The following DNAJB6 variants were observed in gnomAD, a reference collection of about 807,000 sequenced individuals.
DNAJB6 encodes DnaJ heat shock protein family (Hsp40) member B6, also known as dnaJ homolog subfamily B member 6.
A neutral mutation model predicts 42.7 loss-of-function variants in DNAJB6; 16 were observed. The ratio of observed to expected loss-of-function variants is 0.37; its 90% CI spans 0.25 to 0.57. DNAJB6 has a LOEUF of 0.57. Among genes scored for constraint, DNAJB6 ranks in the 20% least tolerant of loss-of-function variants. The pLI is 0.74. For missense variants in DNAJB6, 347 were observed against 416.8 expected (o/e 0.83, Z 1.46); for synonymous variants, 170 against 163.5 (o/e 1.04, Z -0.30).
rs886044456 is a variant in DNAJB6 at position 157,409,971 on chromosome 7, G to C, written c.868G>C (p.Gly290Arg). 2.6e-6 allele frequency: 4 copies of C among 1,534,974 alleles called. No individual in the cohort carries two copies. The highest frequency in any genetic ancestry group is 3.5e-6 in the Non-Finnish European group (4 of 1,144,050). Residue 290 changes from glycine to arginine, a missense_variant, in exon 9 of 10, where the codon GGG (glycine) becomes CGG (arginine). Transcript: ENST00000262177. ...EGEQDRPRAP[G>R]PWDPLASAAG... is the part of the protein sequence containing the mutation. Reference sequence around the variant, plus strand: ...CGAGCAGGACCGACCTCGGGCACCCGGGCCCTGGGACCCCCTCGCGTCCGC... The same window carrying C: ...CGAGCAGGACCGACCTCGGGCACCCCGGCCCTGGGACCCCCTCGCGTCCGC...
At chr7:157,345,653 G>C (rs1798646572) in intron 1 of DNAJB6, among the ~76,000 whole-genome samples, 1 of 152,072 alleles carries the variant, frequency 6.6e-6, no homozygotes, top group African/African-American at 2.4e-5. Context: ...TTCGGCTTTT[G>C]TTCCTTGTGC....
intron 2 of DNAJB6, among the ~76,000 whole-genome samples, chr7:157,362,659 C>T (rs886610749): frequency 6.6e-6 from 1 of 152,186 alleles, no homozygotes; most frequent in East Asian, 1.9e-4. Context: ...TGAGCCACCA[C>T]GCCTGGCCTT....
At chr7:157,379,562 C>G (rs1800646331) in intron 5 of DNAJB6, 1 of 152,178 alleles carries the variant, frequency 6.6e-6, no homozygotes, top group Non-Finnish European at 1.5e-5. Context: ...TCATAGCTCC[C>G]TGCAGCCTTG....
intron 1 of DNAJB6, among the ~76,000 whole-genome samples, chr7:157,340,998 G>GCGCGCGCGCACT (rs1554450095): frequency 2.2e-5 from 3 of 134,960 alleles, no homozygotes; most frequent in Non-Finnish European, 4.6e-5. Flanking sequence ...GTGTGTGTGT[G>GCGCGCGCGCACT]CGCGCGCGCA....
intron 1 of DNAJB6, among the ~76,000 whole-genome samples, chr7:157,355,808 T>C (rs1799243645): frequency 6.6e-6 from 1 of 152,184 alleles, no homozygotes; most frequent in Admixed American, 6.5e-5. Context: ...GAGTGCTGCA[T>C]GAATACCGAG....
At chr7:157,369,462 C>T in intron 5 of DNAJB6, 1 of 456,128 alleles carries the variant, frequency 2.2e-6, no homozygotes. Context: ...GGCTTCTCTT[C>T]TGGGGCACAC....
rs1005337418 is a variant in DNAJB6, at chr7:157,369,163, G to A, written c.346+1680G>A. The A allele has an allele frequency of 1.4e-4, 57 of 407,154 alleles. 1 individual carries two copies. Among genetic ancestry groups the A allele is most frequent in the African/African-American group, 1.2e-3 (57 of 48,548 alleles). 25.2% of individuals were successfully genotyped at this position (407,154 alleles called of 1,614,324 possible). On this transcript the variant is annotated intron_variant, in intron 5 of 9. Coordinates refer to ENST00000262177, the MANE Select transcript of DNAJB6 (RefSeq NM_058246.4). ...GGAGACTGGCGTGCTCATCGTTTAA[G>A]TGCATTTGCTGTAATCACTGCTGCC...
chr7:157,385,539 A>G lies in DNAJB6; in HGVS notation c.621-2A>G. ...GTTTTTAAATGAATTTTTTTCCTAC[A>G]GAATTGTCGAGAACGGTCAAGAAAG... is the stretch of plus-strand genomic sequence containing the variant. On this transcript the variant is annotated splice_acceptor_variant, in intron 7 of 9. Coordinates refer to ENST00000262177, the MANE Select transcript of DNAJB6 (RefSeq NM_058246.4). LOFTEE classifies it high-confidence loss of function. 1 of 1,610,660 alleles carries G rather than the reference A, an allele frequency of 6.2e-7. No individual in the cohort carries two copies. The highest frequency in any genetic ancestry group is 8.5e-7 in the Non-Finnish European group (1 of 1,179,062).
chr7:157,368,085 G>C (rs757469827), intron 5 of DNAJB6, among the ~76,000 whole-genome samples: 22 of 152,174 alleles, frequency 1.4e-4, no homozygotes, highest in Non-Finnish European at 2.9e-4. Context: ...CTGCACTCCA[G>C]CTTGGGTGAC....
chr7:157,383,611 T>TTGTGTGTGTGTGTGTG (rs57002445), intron 6 of DNAJB6, among the ~76,000 whole-genome samples: 4 of 149,570 alleles, frequency 2.7e-5, no homozygotes, highest in African/African-American at 7.4e-5. Context: ...GTATGTGTGT[T>TTGTGTGTGTGTGTGTG]TGTGTGTGTG....
intron 8 of DNAJB6, among the ~76,000 whole-genome samples, chr7:157,399,176 G>A (rs1036335700): frequency 6.6e-5 from 10 of 152,236 alleles, no homozygotes; most frequent in Non-Finnish European, 1.2e-4. Context: ...GGCTCTTCGT[G>A]TGAGATCTTG....
chr7:157,409,657 GATA>G, intron 8 of DNAJB6, 135 bp from the exon 9 acceptor site: 1 of 992,050 alleles, frequency 1.0e-6, no homozygotes, highest in South Asian at 1.8e-5. Flanking sequence ...GAAGAAAGGA[GATA>G]ACCTCTTTCT....
At chr7:157,347,340 C>A (rs1225881668) in intron 1 of DNAJB6, among the ~76,000 whole-genome samples, 1 of 152,184 alleles carries the variant, frequency 6.6e-6, no homozygotes, top group Non-Finnish European at 1.5e-5. Flanking sequence ...TGCCACGATA[C>A]AGGCTAGCAT....
rs2117159571 is a variant in DNAJB6, at chr7:157,399,262, C to A, written c.692-10533C>A. Among the ~76,000 whole-genome samples the A allele has an allele frequency of 2.6e-5, 4 of 152,330 alleles. 1 individual carries two copies. The highest frequency in any genetic ancestry group is 2.6e-4 in the Admixed American group (4 of 15,300). Reference sequence around the variant, plus strand: ...GGTCCCTGTGGCCCCCCGCCATCCCCTGCCTTGTCTGGTGATGCTCATGCC... The same window carrying A: ...GGTCCCTGTGGCCCCCCGCCATCCCATGCCTTGTCTGGTGATGCTCATGCC... On this transcript the variant is annotated intron_variant, in intron 8 of 9. Coordinates refer to ENST00000262177, the MANE Select transcript of DNAJB6 (RefSeq NM_058246.4).
Position 157,360,830 on chromosome 7 carries a change from A to G in DNAJB6, c.65+2193A>G, listed in dbSNP as rs58537757. 4.7e-3 allele frequency among the ~76,000 whole-genome samples: 709 copies of G among 152,302 alleles called. 5 individuals carry two copies. Among genetic ancestry groups the G allele is most frequent in the African/African-American group, 0.016 (671 of 41,562 alleles). On this transcript the variant is annotated intron_variant, in intron 2 of 9. Transcript: ENST00000262177. ...CAGACTCTTCCTGGGTTTGAGTCAC[A>G]CACCATGGGCCTTCCTTCCTTGGTG...
intron 8 of DNAJB6, among the ~76,000 whole-genome samples, chr7:157,408,221 G>A (rs187290188): frequency 6.6e-5 from 10 of 152,330 alleles, no homozygotes; most frequent in Admixed American, 4.6e-4. Context: ...CGCGGGCCGG[G>A]TGTTGACAAT....
chr7:157,367,229 G>C, intron 4 of DNAJB6, 144 bp from the exon 5 acceptor site: 1 of 623,080 alleles, frequency 1.6e-6, no homozygotes, highest in African/African-American at 1.8e-5. Flanking sequence ...CAGGGCTCAT[G>C]TTTTGAATTA....
intron 1 of DNAJB6, 88 bp downstream of exon 1, chr7:157,337,232 C>G (rs958903363): frequency 1.3e-5 from 2 of 152,250 alleles, no homozygotes; most frequent in Non-Finnish European, 2.9e-5. Flanking sequence ...CGCCTGGCAA[C>G]AGCGCGGGGG....
intron 8 of DNAJB6, among the ~76,000 whole-genome samples, chr7:157,390,352 C>A (rs1199646917): frequency 6.6e-6 from 1 of 152,224 alleles, no homozygotes; most frequent in Non-Finnish European, 1.5e-5. Flanking sequence ...GTGTTGATGC[C>A]ACACTGCAGT....
Sources: allele counts gnomAD v4.1 joint callset (sites outside exome capture counted in the v4.1 genomes callset), GRCh38; gene constraint gnomAD v4.1.1; transcripts MANE v1.5; gene names NCBI Gene and HGNC (gene_info 2026-07-23, HGNC 2026-07-21).